TOMM70: variants seen among roughly 807,000 people sequenced by gnomAD.
TOMM70 encodes translocase of outer mitochondrial membrane 70.
In TOMM70, 13 loss-of-function variants were observed where a neutral mutation model predicts 73.6. That is an observed-to-expected ratio of 0.18 (90% CI 0.11 to 0.28). The LOEUF is 0.28. TOMM70 is among the 10% of genes least tolerant of loss of function. TOMM70 has a pLI of 1.00. For synonymous variants in TOMM70, 257 were observed against 271.2 expected (o/e 0.95, Z 0.51); for missense variants, 609 against 747.5 (o/e 0.81, Z 2.16).
intron 11 of TOMM70, among the ~76,000 whole-genome samples, chr3:100,366,063 C>T (rs913534773): frequency 4.6e-5 from 7 of 152,172 alleles, no homozygotes; most frequent in Non-Finnish European, 5.9e-5. Context: ...ATCACAATTC[C>T]GTCTGGTTCC....
chr3:100,389,171 C>G (rs1198283470), intron 1 of TOMM70, among the ~76,000 whole-genome samples: 1 of 152,120 alleles, frequency 6.6e-6, no homozygotes, highest in Non-Finnish European at 1.5e-5. Flanking sequence ...CAGACTGTCA[C>G]CAACATTTGG....
chr3:100,368,000 T>G, intron 11 of TOMM70, 44 bp downstream of exon 11: 1 of 1,584,972 alleles, frequency 6.3e-7, no homozygotes, highest in Non-Finnish European at 8.6e-7. Flanking sequence ...AAGCTAAATA[T>G]CTATGGAGCT....
At chr3:100,393,105 A>G (rs1384511889) in intron 1 of TOMM70, among the ~76,000 whole-genome samples, 5 of 151,730 alleles carry the variant, frequency 3.3e-5, no homozygotes, top group Non-Finnish European at 7.4e-5. Context: ...GAACCCGGGC[A>G]GCAGAGGCTG....
intron 1 of TOMM70, among the ~76,000 whole-genome samples, chr3:100,390,409 A>T (rs1706745213): frequency 6.6e-6 from 1 of 152,250 alleles, no homozygotes; most frequent in South Asian, 2.1e-4. Context: ...GTCCCATAAG[A>T]TTATCATGGA....
At chr3:100,394,652 CA>C (rs1228285804) in intron 1 of TOMM70, among the ~76,000 whole-genome samples, 1 of 152,066 alleles carries the variant, frequency 6.6e-6, no homozygotes, top group Non-Finnish European at 1.5e-5. Flanking sequence ...TACAGAAACC[CA>C]CCATCATGCC....
At position 100,377,760 on chromosome 3, in the gene TOMM70, T is replaced by C. The variant is rs369031386; in HGVS notation, c.1037A>G (p.Asn346Ser). 17 of 1,614,094 alleles carry C rather than the reference T, an allele frequency of 1.1e-5. No homozygotes were observed. In the Admixed American group the frequency reaches 1.5e-4, roughly 14 times the overall value. Residue 346 changes from asparagine to serine, a missense_variant, in exon 6 of 12, where the codon AAT becomes AGT. This residue lies in a region of TOMM70 where 432 missense variants were observed against 584.1 expected (regional missense o/e 0.74). Transcript: ENST00000284320. ...ATFYLLIGNA[N>S]AAKPDLDKVI... ...TTTATCTAAATCTGGTTTGGCTGCA[T>C]TGGCATTGCCAATAAGCAGGTAGAA...
chr3:100,398,985 AGTAAAAATATC>A (rs1706856226), intron 1 of TOMM70, among the ~76,000 whole-genome samples: 3 of 152,176 alleles, frequency 2.0e-5, no homozygotes, highest in Non-Finnish European at 4.4e-5. Flanking sequence ...TTGACATCCT[AGTAAAAATATC>A]TTCGCCCGGG....
chr3:100,397,205 A>G (rs1053281989), intron 1 of TOMM70, among the ~76,000 whole-genome samples: 1 of 152,246 alleles, frequency 6.6e-6, no homozygotes, highest in East Asian at 1.9e-4. Flanking sequence ...GGTGCTATTC[A>G]AATGTACAGC....
chr3:100,383,809 G>A (rs375680566), intron 4 of TOMM70, among the ~76,000 whole-genome samples: 3 of 152,148 alleles, frequency 2.0e-5, no homozygotes, highest in East Asian at 3.9e-4. Context: ...TGATGCCTAT[G>A]GTACTCTCTT....
At chr3:100,393,118 G>C (rs1460539450) in intron 1 of TOMM70, among the ~76,000 whole-genome samples, 1 of 151,384 alleles carries the variant, frequency 6.6e-6, no homozygotes, top group South Asian at 2.1e-4. Context: ...AGAGGCTGCA[G>C]TAAGCCGAGA....
chr3:100,379,297 A>G (rs1021466417), intron 5 of TOMM70, among the ~76,000 whole-genome samples: 1 of 152,160 alleles, frequency 6.6e-6, no homozygotes, highest in African/African-American at 2.4e-5. Context: ...TTCAGTTGTT[A>G]TATCTGTATA....
At chr3:100,393,213 T>C (rs1576218519) in intron 1 of TOMM70, among the ~76,000 whole-genome samples, 1 of 150,600 alleles carries the variant, frequency 6.6e-6, no homozygotes, top group South Asian at 2.1e-4. Flanking sequence ...CCAACCTAAG[T>C]GCCCACTGAT....
chr3:100,398,375 C>T (rs1039607005), intron 1 of TOMM70, among the ~76,000 whole-genome samples: 5 of 127,952 alleles, frequency 3.9e-5, no homozygotes, highest in East Asian at 4.6e-4. Flanking sequence ...CAGGGTTAGA[C>T]GCTGTCTCAA....
At chr3:100,399,754 T>A (rs1706868068) in intron 1 of TOMM70, among the ~76,000 whole-genome samples, 1 of 123,460 alleles carries the variant, frequency 8.1e-6, no homozygotes, top group Non-Finnish European at 1.8e-5. Flanking sequence ...TTTTTTTTTT[T>A]GTATGTGTGT....
At chr3:100,372,477 GAATC>G (rs1444826560) in intron 9 of TOMM70, 125 bp downstream of exon 9, 3 of 694,888 alleles carry the variant, frequency 4.3e-6, no homozygotes, top group Non-Finnish European at 7.3e-6. Context: ...GGGGCCATGA[GAATC>G]AATCAGGAAC....
intron 1 of TOMM70, among the ~76,000 whole-genome samples, chr3:100,397,986 A>G (rs1006761430): frequency 1.7e-5 from 2 of 119,986 alleles, no homozygotes; most frequent in Non-Finnish European, 3.5e-5. Flanking sequence ...AAGAGGAATT[A>G]GGACATCTAA....
At position 100,375,145 on chromosome 3, in the gene TOMM70, G is replaced by C; in HGVS notation, c.1100C>G (p.Ala367Gly). The change falls in exon 7 of 12, where the codon GCA (alanine) becomes GGA (glycine). Residue 367 changes from alanine (A) to glycine (G), a missense_variant. Around this residue, in one of 2 missense-constraint regions of TOMM70, gnomAD observed 432 missense variants for 584.1 expected, o/e 0.74. Coordinates refer to ENST00000284320, the MANE Select transcript of TOMM70 (RefSeq NM_014820.5). ...GCTGCCTCTTTTGATGAGAGCATTT[G>C]CTCGAAGCTATATACCCCAAGTGAG... ...SLKEANVKLR[A>G]NALIKRGSMY... 1 of 1,597,720 alleles carries C rather than the reference G, an allele frequency of 6.3e-7. No homozygotes were observed. The highest frequency in any genetic ancestry group is 8.5e-7 in the Non-Finnish European group (1 of 1,171,832).
chr3:100,376,849 T>C (rs1706571481), intron 6 of TOMM70, among the ~76,000 whole-genome samples: 1 of 152,026 alleles, frequency 6.6e-6, no homozygotes, highest in South Asian at 2.1e-4. Context: ...TACATACATA[T>C]AGAACAAATA....
At chr3:100,376,368 A>ATTTTTTTTTTTTTTTTTTTTTTTTTT (rs1559831461) in intron 6 of TOMM70, among the ~76,000 whole-genome samples, 1 of 107,902 alleles carries the variant, frequency 9.3e-6, no homozygotes, top group African/African-American at 6.1e-5. Flanking sequence ...TTCACACAGA[A>ATTTTTTTTTTTTTTTTTTTTTTTTTT]GTTTTTTTTT....
Sources: allele counts gnomAD v4.1 joint callset (sites outside exome capture counted in the v4.1 genomes callset), GRCh38; gene constraint gnomAD v4.1.1; regional missense constraint gnomAD v4.1.1; transcripts MANE v1.5; gene names NCBI Gene and HGNC (gene_info 2026-07-23, HGNC 2026-07-21).